Variants in SAXO1 observed in about 807,000 individuals in gnomAD.
SAXO1 encodes 4930500O09Rik.
A neutral mutation model predicts 17.5 loss-of-function variants in SAXO1; 21 were observed. The ratio of observed to expected loss-of-function variants is 1.20; its 90% CI spans 0.85 to 1.72. The LOEUF (loss-of-function observed/expected upper bound fraction) is 1.72. Among genes scored for constraint, SAXO1 ranks in the 40% most tolerant of loss-of-function variants. The pLI is 0.00. For missense variants in SAXO1, 843 were observed against 596.0 expected (o/e 1.41, Z -4.32); for synonymous variants, 274 against 216.5 (o/e 1.27, Z -2.33).
chr9:18,928,502 T>C lies in SAXO1; in HGVS notation c.975A>G (p.Ala325=). Residue 325 remains alanine (A), a synonymous_variant, in exon 4 of 4, where the codon GCA becomes GCG. Transcript: ENST00000380534. ...AGCGACCGCACTTCTTAATCTGAAGTGCAGGTCGGCAGGACTGAGCTGGGG... is the reference window on the plus strand; with the variant it reads ...AGCGACCGCACTTCTTAATCTGAAGCGCAGGTCGGCAGGACTGAGCTGGGG... The part of the protein sequence containing the change: ...KGAPAQSCRP[A]LQIKKCGRFE... 1 of 1,613,776 alleles carries C rather than the reference T, an allele frequency of 6.2e-7. No individual in the cohort carries two copies. The highest frequency in any genetic ancestry group is 1.1e-5 in the South Asian group (1 of 91,002).
chr9:19,016,168 G>T (rs144531390), intron 1 of SAXO1, among the ~76,000 whole-genome samples: 2 of 152,296 alleles, frequency 1.3e-5, no homozygotes, highest in East Asian at 3.9e-4. Flanking sequence ...AGGCATGGTG[G>T]CTCATGCCTG....
At chr9:19,009,134 C>T (rs1414401213) in intron 1 of SAXO1, among the ~76,000 whole-genome samples, 2 of 152,112 alleles carry the variant, frequency 1.3e-5, no homozygotes, top group South Asian at 2.1e-4. Flanking sequence ...TATAATTTTC[C>T]TCCCCTGTGT....
At chr9:19,034,207 T>A (rs1835873768), upstream of SAXO1, among the ~76,000 whole-genome samples, 1 of 152,190 alleles carries the variant, frequency 6.6e-6, no homozygotes, top group Non-Finnish European at 1.5e-5. Context: ...TTCATTTTAG[T>A]GAATGAGTCA....
intron 1 of SAXO1, among the ~76,000 whole-genome samples, chr9:18,970,300 A>C (rs1322304672): frequency 6.6e-6 from 1 of 152,178 alleles, no homozygotes; most frequent in Admixed American, 6.5e-5. Context: ...AACATGTATT[A>C]ATCTGCTTCA....
At chr9:18,987,363 A>G (rs1052874267) in intron 1 of SAXO1, among the ~76,000 whole-genome samples, 3 of 152,188 alleles carry the variant, frequency 2.0e-5, no homozygotes, top group African/African-American at 7.2e-5. Flanking sequence ...CCATGGCACA[A>G]AGGGAGCCTT....
intron 2 of SAXO1, 21 bp downstream of exon 2, chr9:18,950,737 A>T: frequency 6.2e-7 from 1 of 1,606,418 alleles, no homozygotes; most frequent in Non-Finnish European, 8.5e-7. Context: ...ACCTGCATAC[A>T]TTAATACTGT....
chr9:18,997,555 G>T (rs1834058236), intron 1 of SAXO1, among the ~76,000 whole-genome samples: 2 of 152,270 alleles, frequency 1.3e-5, no homozygotes, highest in Admixed American at 1.3e-4. Context: ...ACAAAAGGAA[G>T]TAGAGAGCTT....
Position 18,928,532 on chromosome 9 carries a change from C to A in SAXO1, c.945G>T (p.Lys315Asn), listed in dbSNP as rs140722241. Residue 315 changes from lysine (K) to asparagine (N), a missense_variant, in exon 4 of 4, where the codon AAG becomes AAT. Coordinates refer to ENST00000380534, the MANE Select transcript of SAXO1 (RefSeq NM_153707.4). The part of the protein sequence containing the change: ...TTVQAHYTCP[K>N]GAPAQSCRPA... ...GTCGGCAGGACTGAGCTGGGGCACC[C>A]TTAGGGCATGTGTAATGGGCCTGCA... 4.5e-5 allele frequency: 72 copies of A among 1,614,008 alleles called. No homozygotes were observed. In the African/African-American group the frequency reaches 8.1e-4, roughly 18 times the overall value.
chr9:19,028,768 C>T (rs969711862), intron 1 of SAXO1, among the ~76,000 whole-genome samples: 4 of 151,994 alleles, frequency 2.6e-5, no homozygotes, highest in Non-Finnish European at 4.4e-5. Context: ...TTTTTTTTAG[C>T]CCAGCAAAGC....
intron 1 of SAXO1, among the ~76,000 whole-genome samples, chr9:19,017,796 C>G (rs1835048181): frequency 6.6e-6 from 1 of 152,174 alleles, no homozygotes; most frequent in South Asian, 2.1e-4. Context: ...GCCTAAGAAG[C>G]TAAGAACACC....
chr9:19,046,552 A>C (rs1836221110), intron 1 of SAXO1, among the ~76,000 whole-genome samples: 1 of 152,036 alleles, frequency 6.6e-6, no homozygotes, highest in African/African-American at 2.4e-5. Context: ...AAAATACAAA[A>C]TTAGCCAGAC....
At chr9:18,945,279 C>T (rs576873031) in intron 2 of SAXO1, among the ~76,000 whole-genome samples, 6 of 152,154 alleles carry the variant, frequency 3.9e-5, no homozygotes, top group South Asian at 4.1e-4. Context: ...CAGACCCAAC[C>T]GCTGCTTCTC....
At chr9:18,987,030 C>A (rs1337501307) in intron 1 of SAXO1, among the ~76,000 whole-genome samples, 1 of 152,176 alleles carries the variant, frequency 6.6e-6, no homozygotes, top group Non-Finnish European at 1.5e-5. Context: ...TTCCTTGGAA[C>A]AAATTGCTGC....
rs574697189 is a variant in SAXO1 at position 19,019,678 on chromosome 9, C to T, written c.38+13193G>A. 8.5e-5 allele frequency among the ~76,000 whole-genome samples: 13 copies of T among 152,100 alleles called. No individual in the cohort carries two copies. The South Asian group carries it at 2.3e-3, about 27-fold the overall frequency. ...CAGGGAGGCAGAGGTTGCAATGAGC[C>T]CAGACGGCACCACTGCACCCCAGCC... is the stretch of plus-strand genomic sequence containing the variant. On this transcript the variant is annotated intron_variant, in intron 1 of 3. Coordinates refer to ENST00000380534, the MANE Select transcript of SAXO1 (RefSeq NM_153707.4).
intron 3 of SAXO1, among the ~76,000 whole-genome samples, chr9:18,935,638 A>C (rs1284644694): frequency 1.3e-5 from 2 of 152,108 alleles, no homozygotes; most frequent in South Asian, 4.1e-4. Flanking sequence ...CCAGGAATAC[A>C]TATGAGCTTA....
chr9:19,022,143 C>T (rs62560442), intron 1 of SAXO1, among the ~76,000 whole-genome samples: 4,442 of 152,320 alleles, frequency 0.029, 92 homozygotes, highest in Middle Eastern at 0.071. Flanking sequence ...CACGAACCCA[C>T]GGGGAGAAAC....
chr9:18,958,950 A>G (rs916023576), intron 1 of SAXO1, among the ~76,000 whole-genome samples: 10 of 152,214 alleles, frequency 6.6e-5, no homozygotes, highest in African/African-American at 1.9e-4. Context: ...AAACTGACAA[A>G]AAGAGTAAGA....
chr9:19,025,661 G>A (rs1835440878), intron 1 of SAXO1, among the ~76,000 whole-genome samples: 2 of 152,256 alleles, frequency 1.3e-5, no homozygotes, highest in South Asian at 4.1e-4. Context: ...AATATTTCAT[G>A]ATACATTAAC....
Position 18,928,915 on chromosome 9 carries a change from A to G in SAXO1, c.562T>C (p.Cys188Arg), listed in dbSNP as rs776864881. The G allele has an allele frequency of 6.0e-5, 97 of 1,614,062 alleles. No individual in the cohort carries two copies. The highest frequency in any genetic ancestry group is 2.8e-5 in the Non-Finnish European group (33 of 1,180,032). ...AGCTTTGGCATGGCCAGAGGTTTAC[A>G]GCTTATGGTCTTCACAAGGCCTTTT... ...PIKGLVKTIS[C>R]KPLAMPKLCN... The change falls in exon 4 of 4, where the codon TGT (cysteine) becomes CGT (arginine). Residue 188 changes from cysteine (C) to arginine (R), a missense_variant. Physicochemically the swap from Cys to Arg is radical, Grantham distance 180. Coordinates refer to ENST00000380534, the MANE Select transcript of SAXO1 (RefSeq NM_153707.4).
Sources: gnomAD v4.1 joint callset for allele counts (sites outside exome capture counted in the v4.1 genomes callset) on GRCh38, gnomAD v4.1.1 for gene constraint, MANE v1.5 for transcripts, NCBI Gene and HGNC (gene_info 2026-07-23, HGNC 2026-07-21) for gene names.